Variants in ECI2 observed in about 807,000 individuals in gnomAD.
ECI2 encodes the protein enoyl-CoA delta isomerase 2, also known as D3,D2-enoyl-CoA isomerase.
In ECI2, 27 loss-of-function variants were observed where a neutral mutation model predicts 38.4. The ratio of observed to expected loss-of-function variants is 0.70; its 90% CI spans 0.52 to 0.97. The LOEUF (loss-of-function observed/expected upper bound fraction) is 0.97. ECI2 is among the 50% of genes least tolerant of loss of function. The probability of loss-of-function intolerance (pLI) is 0.00; values close to 1 mark genes in which losing one functional copy is unlikely to be tolerated. For missense variants in ECI2, 470 were observed against 474.4 expected, an observed-to-expected ratio of 0.99 and a Z score of 0.09; for synonymous variants, 168 against 172.0, an observed-to-expected ratio of 0.98 and a Z score of 0.18.
chr6:4,124,510 G>C (rs1192583394), intron 7 of ECI2, among the ~76,000 whole-genome samples: 4 of 152,068 alleles, frequency 2.6e-5, no homozygotes, highest in Admixed American at 6.5e-5. Context: ...TGGTTATTAG[G>C]TGCTTGTAAT....
intron 7 of ECI2, among the ~76,000 whole-genome samples, chr6:4,122,224 CTTTT>C (rs34646177): frequency 7.0e-6 from 1 of 142,964 alleles, no homozygotes; most frequent in African/African-American, 2.6e-5. Context: ...TCCTTCTTTG[CTTTT>C]TTTTTTTTTT....
intron 9 of ECI2, 72 bp from the exon 10 acceptor site, chr6:4,116,101 A>G: frequency 1.3e-6 from 2 of 1,535,702 alleles, no homozygotes; most frequent in Non-Finnish European, 1.8e-6. Context: ...CTGTAATCCC[A>G]GCACTTGGGG....
At chr6:4,127,539 T>C (rs1158337579) in intron 5 of ECI2, among the ~76,000 whole-genome samples, 2 of 151,016 alleles carry the variant, frequency 1.3e-5, no homozygotes, top group Non-Finnish European at 3.0e-5. Flanking sequence ...CTCAGCCTCC[T>C]GAGTAGCTGG....
chr6:4,119,827 G>A (rs977265773), intron 7 of ECI2, among the ~76,000 whole-genome samples: 4 of 152,188 alleles, frequency 2.6e-5, no homozygotes, highest in African/African-American at 7.2e-5. Context: ...GAAAGGTTCC[G>A]GGGGCCCTTC....
chr6:4,117,158 ACAGTT>A, intron 9 of ECI2, 145 bp downstream of exon 9: 2 of 973,970 alleles, frequency 2.1e-6, no homozygotes, highest in Non-Finnish European at 2.9e-6. Flanking sequence ...CAACATTACT[ACAGTT>A]ATTTTTTAAT....
intron 4 of ECI2, among the ~76,000 whole-genome samples, chr6:4,129,085 G>A (rs1773360288): frequency 6.6e-6 from 1 of 151,144 alleles, no homozygotes; most frequent in Admixed American, 6.6e-5. Flanking sequence ...GGATTATCAG[G>A]GTTTCTCCCT....
At chr6:4,123,373 C>T (rs1772934998) in intron 7 of ECI2, among the ~76,000 whole-genome samples, 1 of 151,846 alleles carries the variant, frequency 6.6e-6, no homozygotes, top group Non-Finnish European at 1.5e-5. Context: ...GATGGTGTTT[C>T]ACCATGTTGG....
rs1561658702 is a variant in ECI2, at chr6:4,130,561, C to T, written c.313-1G>A. The T allele has an allele frequency of 6.2e-7, 1 of 1,614,194 alleles. No homozygotes were observed. Among genetic ancestry groups the T allele is most frequent in the Non-Finnish European group, 8.5e-7 (1 of 1,180,022 alleles). ...CCACATAGTTCTGCCTGGCAGCTTC[C>T]TGAACGGACGATGACAAACAACCTC... On this transcript the variant is annotated splice_acceptor_variant, in intron 3 of 9. Transcript: ENST00000380118. LOFTEE classifies it high-confidence loss of function.
chr6:4,128,541 G>A (rs1245514669), intron 4 of ECI2, among the ~76,000 whole-genome samples: 1 of 152,116 alleles, frequency 6.6e-6, no homozygotes, highest in Non-Finnish European at 1.5e-5. Context: ...CAAATATACT[G>A]GAAAAGACAC....
At chr6:4,121,321 T>C (rs546434252) in intron 7 of ECI2, among the ~76,000 whole-genome samples, 2 of 152,350 alleles carry the variant, frequency 1.3e-5, no homozygotes, top group South Asian at 4.1e-4. Context: ...CTTCCTATTA[T>C]ATAGTTGTAA....
intron 4 of ECI2, among the ~76,000 whole-genome samples, chr6:4,128,876 A>C (rs780772198): frequency 6.6e-6 from 1 of 152,212 alleles, no homozygotes; most frequent in Non-Finnish European, 1.5e-5. Context: ...TCCTGGAACC[A>C]ATCCCCATCG....
intron 2 of ECI2, among the ~76,000 whole-genome samples, chr6:4,133,006 T>TG (rs2113028737): frequency 6.6e-6 from 1 of 152,236 alleles, no homozygotes; most frequent in South Asian, 2.1e-4. Context: ...TTAAGGGATC[T>TG]GCCCGCCTCA....
rs1451584245 is a variant in ECI2 at position 4,115,870 on chromosome 6, G to A, written c.*4C>T. The A allele has an allele frequency of 2.2e-5, 36 of 1,609,866 alleles. No homozygotes were observed. In the East Asian group the frequency reaches 5.8e-4, roughly 26 times the overall value. On this transcript the variant is annotated 3_prime_UTR_variant, in exon 10 of 10. Coordinates refer to ENST00000380118, the MANE Select transcript of ECI2 (RefSeq NM_206836.3). Reference sequence around the variant, plus strand: ...GGACATGCTTTACTCTGCTGTAGTGGTCATCACAGTTTTGATTTTCTGGAT... The same window carrying A: ...GGACATGCTTTACTCTGCTGTAGTGATCATCACAGTTTTGATTTTCTGGAT...
chr6:4,123,348 T>A (rs13206444), intron 7 of ECI2, among the ~76,000 whole-genome samples: 18,941 of 151,692 alleles, frequency 0.12, 1,626 homozygotes, highest in African/African-American at 0.23. Context: ...GGCTAATTTT[T>A]ATATTTTTAG....
At chr6:4,123,118 T>C (rs1772912380) in intron 7 of ECI2, among the ~76,000 whole-genome samples, 1 of 152,178 alleles carries the variant, frequency 6.6e-6, no homozygotes, top group Admixed American at 6.5e-5. Context: ...GTAAATCTTA[T>C]AAAACAATTT....
Position 4,122,114 on chromosome 6 carries a change from G to A in ECI2, c.796-2839C>T, listed in dbSNP as rs1772833072. 3 of 995,960 alleles carry A rather than the reference G, an allele frequency of 3.0e-6. No homozygotes were observed. The South Asian group carries it at 4.4e-5, about 15-fold the overall frequency. The allele number at this position is 995,960 out of a possible 1,614,324, so 61.7% of individuals were successfully genotyped here. On this transcript the variant is annotated intron_variant, in intron 7 of 9. Transcript: ENST00000380118. ...TTTCAGAAAGAGAGCAGCAGGTGGA[G>A]TTAAGGGTTTAGGCTCTGGCGTCAG...
intron 8 of ECI2, chr6:4,118,905 G>T (rs150163090): frequency 5.2e-5 from 15 of 286,212 alleles, no homozygotes; most frequent in Middle Eastern, 2.3e-3. Flanking sequence ...CAAGGCTGAG[G>T]TGCTGTGCTG....
Position 4,135,527 on chromosome 6 carries a change from G to C in ECI2, c.34C>G (p.Arg12Gly). The C allele has an allele frequency of 1.2e-6, 2 of 1,611,184 alleles. No individual in the cohort carries two copies. The highest frequency in any genetic ancestry group is 1.1e-5 in the South Asian group (1 of 90,978). ...AMAYLAWRLA[R>G]RSCPSSLQVT... is the part of the protein sequence containing the mutation. ...CAAGCTTACCTCGGACACGAACGCC[G>C]CGCCAGTCTCCAAGCCAAGTACGCC... The change falls in exon 1 of 10, where the codon CGG becomes GGG. Residue 12 changes from arginine (R) to glycine (G), a missense_variant. Coordinates refer to ENST00000380118, the MANE Select transcript of ECI2 (RefSeq NM_206836.3).
intron 5 of ECI2, among the ~76,000 whole-genome samples, chr6:4,126,578 AG>A (rs2113992462): frequency 6.6e-6 from 1 of 152,312 alleles, no homozygotes; most frequent in East Asian, 1.9e-4. Flanking sequence ...CTAGAAAAAG[AG>A]GGCTGGGAAG....
Sources: gnomAD v4.1 joint callset for allele counts (sites outside exome capture counted in the v4.1 genomes callset) on GRCh38, gnomAD v4.1.1 for gene constraint, MANE v1.5 for transcripts, NCBI Gene and HGNC (gene_info 2026-07-23, HGNC 2026-07-21) for gene names.